TIGD1: variants seen among roughly 807,000 people sequenced by gnomAD.
The protein encoded by TIGD1 is tigger transposable element-derived protein 1.
A neutral mutation model predicts 21.3 loss-of-function variants in TIGD1; 20 were observed. The ratio of observed to expected loss-of-function variants is 0.94; its 90% CI spans 0.66 to 1.36. TIGD1 has a LOEUF of 1.36. Among genes scored for constraint, TIGD1 ranks in the 40% most tolerant of loss-of-function variants. The probability of loss-of-function intolerance (pLI) is 0.00; values close to 1 mark genes in which losing one functional copy is unlikely to be tolerated. For synonymous variants in TIGD1, 177 were observed against 123.2 expected (o/e 1.44, Z -2.89); for missense variants, 556 against 350.5 (o/e 1.59, Z -4.68).
At position 232,544,808 on chromosome 2, in the gene TIGD1, G is replaced by A. The variant is rs145607890; in HGVS notation, c.*3299C>T. 143 of 1,613,844 alleles carry A rather than the reference G, an allele frequency of 8.9e-5. No individual in the cohort carries two copies. The highest frequency in any genetic ancestry group is 1.2e-4 in the Admixed American group (7 of 60,024). ...GAGTTAGGGCTGAGCCAGTTCTGTG[G>A]CAGCCTGAAGCAGGCTGCCCCAGCC... On this transcript the variant is annotated 3_prime_UTR_variant, in exon 1 of 1. Transcript: ENST00000408957.
Position 232,550,368 on chromosome 2 carries a change from A to C in TIGD1, c.-486T>G. 9.5e-6 allele frequency: 4 copies of C among 420,754 alleles called. No homozygotes were observed. Among genetic ancestry groups the C allele is most frequent in the Admixed American group, 4.5e-5 (1 of 22,024 alleles). 26.1% of individuals were successfully genotyped at this position (420,754 alleles called of 1,614,324 possible). ...AGAGAGTGCGTCCCGCACTGGAGGAAGAGGAAGGTTTTTACCAAGCAGCGA... is the reference window on the plus strand; with the variant it reads ...AGAGAGTGCGTCCCGCACTGGAGGACGAGGAAGGTTTTTACCAAGCAGCGA... On this transcript the variant is annotated 5_prime_UTR_variant, in exon 1 of 1. Coordinates refer to ENST00000408957, the MANE Select transcript of TIGD1 (RefSeq NM_145702.4).
rs954743084 is a variant in TIGD1, at chr2:232,543,896, A to T, written c.*4211T>A. ...AGGTGCCCGGGATATTACAAATGTT[A>T]ATGTATTTCATCTTCATAAAACCCA... is the stretch of plus-strand genomic sequence containing the variant. On this transcript the variant is annotated 3_prime_UTR_variant, in exon 1 of 1. Coordinates refer to ENST00000408957, the MANE Select transcript of TIGD1 (RefSeq NM_145702.4). Among the ~76,000 whole-genome samples, 1 of 152,272 alleles carries T rather than the reference A, an allele frequency of 6.6e-6. No homozygotes were observed. Among genetic ancestry groups the T allele is most frequent in the African/African-American group, 2.4e-5 (1 of 41,480 alleles).
chr2:232,545,891 G>A lies in TIGD1; in HGVS notation c.*2216C>T, dbSNP rs190449191. The A allele has an allele frequency of 2.6e-6, 2 of 775,656 alleles. No individual in the cohort carries two copies. Among genetic ancestry groups the A allele is most frequent in the Non-Finnish European group, 4.3e-6 (2 of 460,808 alleles). The allele number at this position is 775,656 out of a possible 1,614,324, so 48.0% of individuals were successfully genotyped here. On this transcript the variant is annotated 3_prime_UTR_variant, in exon 1 of 1. Transcript: ENST00000408957. ...GGAAACAGTCTGAGCTGGAGTCCGA[G>A]AGTGGTTGGGGGTGGGCCGTGGCTA... is the stretch of plus-strand genomic sequence containing the variant.
At position 232,544,355 on chromosome 2, in the gene TIGD1, C is replaced by T. The variant is rs769284436; in HGVS notation, c.*3752G>A. 2 of 1,605,892 alleles carry T rather than the reference C, an allele frequency of 1.2e-6. No individual in the cohort carries two copies. The highest frequency in any genetic ancestry group is 1.1e-5 in the South Asian group (1 of 90,966). On this transcript the variant is annotated 3_prime_UTR_variant, in exon 1 of 1. Transcript: ENST00000408957. The stretch of plus-strand genomic sequence containing the variant: ...TCGGCCTGCTGCCCTAGTGAAGCCA[C>T]CCCCTCTCTAGGTGTTCCTGAGGCT...
rs1297978725 is a variant in TIGD1 at position 232,547,572 on chromosome 2, C to T, written c.*535G>A. 6.6e-6 allele frequency among the ~76,000 whole-genome samples: 1 copy of T among 152,124 alleles called. No individual in the cohort carries two copies. Among genetic ancestry groups the T allele is most frequent in the Non-Finnish European group, 1.5e-5 (1 of 68,048 alleles). ...TTTGGGATTCAATCACCAGCAAGTT[C>T]GTATTATTTACTCCAGTGTGAGTCT... On this transcript the variant is annotated 3_prime_UTR_variant, in exon 1 of 1. Coordinates refer to ENST00000408957, the MANE Select transcript of TIGD1 (RefSeq NM_145702.4).
Position 232,544,873 on chromosome 2 carries a change from GC to G in TIGD1, c.*3233del, listed in dbSNP as rs1327944497. 1 of 1,614,022 alleles carries G rather than the reference GC, an allele frequency of 6.2e-7. No individual in the cohort carries two copies. Among genetic ancestry groups the G allele is most frequent in the East Asian group, 2.2e-5 (1 of 44,872 alleles). On this transcript the variant is annotated 3_prime_UTR_variant, in exon 1 of 1. Transcript: ENST00000408957. ...GGAAGCCTGCAACCTCATTGCCTGTGCCCGGCACCAGCAGAGTCACTTTGAC... is the reference window on the plus strand; with the variant it reads ...GGAAGCCTGCAACCTCATTGCCTGTGCCGGCACCAGCAGAGTCACTTTGAC...
chr2:232,545,507 G>C lies in TIGD1; in HGVS notation c.*2600C>G. The C allele has an allele frequency of 6.3e-7, 1 of 1,597,976 alleles. No individual in the cohort carries two copies. The highest frequency in any genetic ancestry group is 8.5e-7 in the Non-Finnish European group (1 of 1,170,776). On this transcript the variant is annotated 3_prime_UTR_variant, in exon 1 of 1. Transcript: ENST00000408957. Reference sequence around the variant, plus strand: ...CAGGACCCAGGGAAGACCTGGTGCCGCCGCTGGTTATCCCACACCTGCCTC... The same window carrying C: ...CAGGACCCAGGGAAGACCTGGTGCCCCCGCTGGTTATCCCACACCTGCCTC...
rs902050004 is a variant in TIGD1 at position 232,548,323 on chromosome 2, G to C, written c.1560C>G (p.Gly520=). 1.5e-5 allele frequency: 22 copies of C among 1,458,884 alleles called. No homozygotes were observed. The highest frequency in any genetic ancestry group is 1.7e-5 in the Non-Finnish European group (19 of 1,087,494). The allele number at this position is 1,458,884 out of a possible 1,614,324, so 90.4% of individuals were successfully genotyped here. Residue 520 remains glycine (G), a synonymous_variant, in exon 1 of 1, where the codon GGC becomes GGG. Coordinates refer to ENST00000408957, the MANE Select transcript of TIGD1 (RefSeq NM_145702.4). ...DSNFERSSTV[G]KMLSNSIACY... ...ATGCGATGCTGTTTGATAGCATTTT[G>C]CCCACAGTAGAGCTTCTTTCAAAAT...
rs1223161313 is a variant in TIGD1 at position 232,547,310 on chromosome 2, C to T, written c.*797G>A. ...ATGCATGCCTGTAGTCCCAGTTACT[C>T]GGGAGGCTGAGGTGGGAGGATCGCT... On this transcript the variant is annotated 3_prime_UTR_variant, in exon 1 of 1. Coordinates refer to ENST00000408957, the MANE Select transcript of TIGD1 (RefSeq NM_145702.4). Among the ~76,000 whole-genome samples the T allele has an allele frequency of 6.6e-5, 10 of 151,954 alleles. No individual in the cohort carries two copies. Among genetic ancestry groups the T allele is most frequent in the African/African-American group, 2.4e-4 (10 of 41,352 alleles).
At position 232,550,310 on chromosome 2, in the gene TIGD1, A is replaced by G; in HGVS notation, c.-428T>C. On this transcript the variant is annotated 5_prime_UTR_variant, in exon 1 of 1. Transcript: ENST00000408957. ...TAGTACAGTGGCGCCGCGACCGACA[A>G]AGGAAAGCCTCCGGGAGGTCAAAAG... 3.1e-6 allele frequency: 1 copy of G among 322,152 alleles called. No individual in the cohort carries two copies. Among genetic ancestry groups the G allele is most frequent in the Non-Finnish European group, 6.0e-6 (1 of 165,990 alleles). 20.0% of individuals were successfully genotyped at this position (322,152 alleles called of 1,614,324 possible).
rs1440054085 is a variant in TIGD1, at chr2:232,544,677, A to C, written c.*3430T>G. 47 of 1,565,320 alleles carry C rather than the reference A, an allele frequency of 3.0e-5. No individual in the cohort carries two copies. The highest frequency in any genetic ancestry group is 4.0e-5 in the Non-Finnish European group (46 of 1,137,562). ...TGAGTGCTGGAGAAGTGCCCAGGTCAGGGAGAGAGGAGCTGGGGTCCCTAA... is the reference window on the plus strand; with the variant it reads ...TGAGTGCTGGAGAAGTGCCCAGGTCCGGGAGAGAGGAGCTGGGGTCCCTAA... On this transcript the variant is annotated 3_prime_UTR_variant, in exon 1 of 1. Transcript: ENST00000408957.
chr2:232,544,423 G>A lies in TIGD1; in HGVS notation c.*3684C>T, dbSNP rs144846001. On this transcript the variant is annotated 3_prime_UTR_variant, in exon 1 of 1. Coordinates refer to ENST00000408957, the MANE Select transcript of TIGD1 (RefSeq NM_145702.4). ...GGATGCACGTTCGCCCGCTGGCCCC[G>A]GCAGCTGTGCAGGACACCCAGTCCC... 4.8e-5 allele frequency: 77 copies of A among 1,613,608 alleles called. No individual in the cohort carries two copies. In the African/African-American group the frequency reaches 5.9e-4, roughly 12 times the overall value.
Position 232,544,049 on chromosome 2 carries a change from T to C in TIGD1, c.*4058A>G, listed in dbSNP as rs893664834. On this transcript the variant is annotated 3_prime_UTR_variant, in exon 1 of 1. Transcript: ENST00000408957. Reference sequence around the variant, plus strand: ...CAGTCTGATTCCAGTCTGTGTGATCTGTAGCCCACCTGCAGCCTTCAGCTT... The same window carrying C: ...CAGTCTGATTCCAGTCTGTGTGATCCGTAGCCCACCTGCAGCCTTCAGCTT... Among the ~76,000 whole-genome samples, 52 of 152,220 alleles carry C rather than the reference T, an allele frequency of 3.4e-4. No homozygotes were observed. Among genetic ancestry groups the C allele is most frequent in the African/African-American group, 1.2e-3 (49 of 41,462 alleles).
rs948194089 is a variant in TIGD1 at position 232,548,863 on chromosome 2, C to A, written c.1020G>T (p.Ser340=). 1 of 625,338 alleles carries A rather than the reference C, an allele frequency of 1.6e-6. No individual in the cohort carries two copies. The highest frequency in any genetic ancestry group is 3.2e-5 in the East Asian group (1 of 31,682). The allele number at this position is 625,338 out of a possible 1,614,324, so 38.7% of individuals were successfully genotyped here. Residue 340 remains serine, a synonymous_variant, in exon 1 of 1, where the codon TCG becomes TCT. Coordinates refer to ENST00000408957, the MANE Select transcript of TIGD1 (RefSeq NM_145702.4). ...ILQPMDQGVI[S]TFKSYYLRNT... is the part of the protein sequence containing the mutation. ...TTCTCAAATAATAAGACTTGAAGGT[C>A]GAAATTACCCCTTGATCCATGGGCT...
In TIGD1 at chr2:232,549,806, A is replaced by T; in HGVS notation, c.77T>A (p.Leu26Gln). The T allele has an allele frequency of 6.5e-7, 1 of 1,546,044 alleles. No homozygotes were observed. Among genetic ancestry groups the T allele is most frequent in the Non-Finnish European group, 8.7e-7 (1 of 1,144,144 alleles). Residue 26 changes from leucine to glutamine, a missense_variant, in exon 1 of 1, where the codon CTG becomes CAG. Leu to Gln is a moderately radical substitution (Grantham distance 113, BLOSUM62 -2). Coordinates refer to ENST00000408957, the MANE Select transcript of TIGD1 (RefSeq NM_145702.4). ...GGCTTTTGACATACCTTCCTCACTC[A>T]GTTTAATCATTTCTAGTTTTTGATT... is the stretch of plus-strand genomic sequence containing the variant. The part of the protein sequence containing the change: ...TLNQKLEMIK[L>Q]SEEGMSKAEI...
Position 232,543,922 on chromosome 2 carries a change from T to C in TIGD1, c.*4185A>G, listed in dbSNP as rs146347617. Reference sequence around the variant, plus strand: ...ATGTATTTCATCTTCATAAAACCCATATCACCTCCAATTACAGATGAGGAC... The same window carrying C: ...ATGTATTTCATCTTCATAAAACCCACATCACCTCCAATTACAGATGAGGAC... On this transcript the variant is annotated 3_prime_UTR_variant, in exon 1 of 1. Coordinates refer to ENST00000408957, the MANE Select transcript of TIGD1 (RefSeq NM_145702.4). Among the ~76,000 whole-genome samples the C allele has an allele frequency of 3.1e-3, 465 of 152,336 alleles. 8 individuals carry two copies. Among genetic ancestry groups the C allele is most frequent in the African/African-American group, 0.01 (430 of 41,582 alleles).
Position 232,544,960 on chromosome 2 carries a change from T to C in TIGD1, c.*3147A>G. 3.1e-6 allele frequency: 5 copies of C among 1,609,064 alleles called. No individual in the cohort carries two copies. Among genetic ancestry groups the C allele is most frequent in the Non-Finnish European group, 4.2e-6 (5 of 1,177,426 alleles). ...TGAGTACCTGGGCTTGGAACCGTGA[T>C]AGAGACAGGATGAGTGGGGTTGCCA... is the stretch of plus-strand genomic sequence containing the variant. On this transcript the variant is annotated 3_prime_UTR_variant, in exon 1 of 1. Transcript: ENST00000408957.
In TIGD1 at chr2:232,545,124, C is replaced by T. The variant is rs191192073; in HGVS notation, c.*2983G>A. On this transcript the variant is annotated 3_prime_UTR_variant, in exon 1 of 1. Coordinates refer to ENST00000408957, the MANE Select transcript of TIGD1 (RefSeq NM_145702.4). ...CCAGCCTGGCCAACATGGCAAAACCCTATCTCTACCAAAAATACCAAAAAT... is the reference window on the plus strand; with the variant it reads ...CCAGCCTGGCCAACATGGCAAAACCTTATCTCTACCAAAAATACCAAAAAT... 4.5e-3 allele frequency among the ~76,000 whole-genome samples: 686 copies of T among 152,174 alleles called. 7 individuals carry two copies. The highest frequency in any genetic ancestry group is 0.016 in the African/African-American group (658 of 41,518).
In TIGD1 at chr2:232,544,608, C is replaced by T. The variant is rs774618237; in HGVS notation, c.*3499G>A. 25 of 1,591,676 alleles carry T rather than the reference C, an allele frequency of 1.6e-5. No individual in the cohort carries two copies. In the East Asian group the frequency reaches 4.0e-4, roughly 26 times the overall value. On this transcript the variant is annotated 3_prime_UTR_variant, in exon 1 of 1. Transcript: ENST00000408957. ...GAGACACACCAGGTGTGCCTGGGGA[C>T]AGTCCTCCCCTGGGACCCCAGCTGG...
Sources: allele counts gnomAD v4.1 joint callset (sites outside exome capture counted in the v4.1 genomes callset), GRCh38; gene constraint gnomAD v4.1.1; transcripts MANE v1.5; gene names NCBI Gene and HGNC (gene_info 2026-07-23, HGNC 2026-07-21).